The following KCNQ1 variants were observed in gnomAD, a reference collection of about 807,000 sequenced individuals.
KCNQ1 encodes potassium voltage-gated channel subfamily KQT member 1.
Under a neutral mutation model 72.4 loss-of-function variants are expected in KCNQ1, and 49 were observed. That is an observed-to-expected ratio of 0.68 (90% CI 0.54 to 0.86). The LOEUF is 0.86. Ranked by LOEUF, KCNQ1 falls within the 40% of genes least tolerant of loss-of-function variation. The pLI is 0.00. For synonymous variants in KCNQ1, 450 were observed against 412.6 expected, an observed-to-expected ratio of 1.09 and a Z score of -1.10; for missense variants, 790 against 945.1, an observed-to-expected ratio of 0.84 and a Z score of 2.15.
rs1847425667 is a variant in KCNQ1 at position 2,808,691 on chromosome 11, A to T, written c.1794+30654A>T. Among the ~76,000 whole-genome samples the T allele has an allele frequency of 6.6e-6, 1 of 152,188 alleles. No homozygotes were observed. Among genetic ancestry groups the T allele is most frequent in the African/African-American group, 2.4e-5 (1 of 41,436 alleles). Reference sequence around the variant, plus strand: ...GAAATGAAAGGTAAATACCTTCATGACCATGCCCCCTTTCCCTAGGATACC... The same window carrying T: ...GAAATGAAAGGTAAATACCTTCATGTCCATGCCCCCTTTCCCTAGGATACC... On this transcript the variant is annotated intron_variant, in intron 15 of 15. Coordinates refer to ENST00000155840, the MANE Select transcript of KCNQ1 (RefSeq NM_000218.3). The surrounding 1 kb of genome is among the most constrained non-coding windows in gnomAD (Gnocchi z 6.0).
At chr11:2,648,136 C>T in intron 10 of KCNQ1, 1 of 363,026 alleles carries the variant, frequency 2.8e-6, no homozygotes. Flanking sequence ...GCCCAGGAAG[C>T]AGAGGTTACA....
rs929742149 is a variant in KCNQ1, at chr11:2,798,963, G to A, written c.1794+20926G>A. On this transcript the variant is annotated intron_variant, in intron 15 of 15. Coordinates refer to ENST00000155840, the MANE Select transcript of KCNQ1 (RefSeq NM_000218.3). Reference sequence around the variant, plus strand: ...AGGAAGGAGAGCAGAGGGTACCCGCGTGAAGGGTACCCACGAGGAAGGGGA... The same window carrying A: ...AGGAAGGAGAGCAGAGGGTACCCGCATGAAGGGTACCCACGAGGAAGGGGA... Among the ~76,000 whole-genome samples, 26 of 152,284 alleles carry A rather than the reference G, an allele frequency of 1.7e-4. No homozygotes were observed. In the East Asian group the frequency reaches 1.9e-3, roughly 11 times the overall value.
rs1847273592 is a variant in KCNQ1, at chr11:2,515,473, G to A, written c.387-12455G>A. On this transcript the variant is annotated intron_variant, in intron 1 of 15. Transcript: ENST00000155840. This position sits in a 1 kb window ranked among gnomAD's most constrained non-coding sequence, Gnocchi z 4.7. ...CCGTCCCCGAGGCCCCTGCTGCCCA[G>A]CAAGACCACCACCCTCTGCTCCAGG... 1.4e-5 allele frequency among the ~76,000 whole-genome samples: 2 copies of A among 144,768 alleles called. No individual in the cohort carries two copies. Among genetic ancestry groups the A allele is most frequent in the South Asian group, 5.1e-4 (2 of 3,930 alleles). 95.0% of individuals were successfully genotyped at this position (144,768 alleles called of 152,430 possible).
chr11:2,775,056 C>T (rs1381494186), intron 12 of KCNQ1, among the ~76,000 whole-genome samples: 1 of 152,212 alleles, frequency 6.6e-6, no homozygotes, highest in African/African-American at 2.4e-5. Context: ...CTACCCTGGG[C>T]CTCACCCGGT....
chr11:2,786,329 G>T (rs1358846567), intron 15 of KCNQ1, among the ~76,000 whole-genome samples: 1 of 152,166 alleles, frequency 6.6e-6, no homozygotes, highest in Admixed American at 6.5e-5. Context: ...CTCCTTGGAA[G>T]ACAATCTGTC....
intron 8 of KCNQ1, among the ~76,000 whole-genome samples, chr11:2,587,264 C>A (rs1255708891): frequency 6.6e-6 from 1 of 152,232 alleles, no homozygotes; most frequent in East Asian, 1.9e-4. Flanking sequence ...CCCACCTTTG[C>A]AAGTCTCTCC....
At chr11:2,622,723 T>C (rs1849195431) in intron 10 of KCNQ1, 2 of 398,586 alleles carry the variant, frequency 5.0e-6, no homozygotes, top group East Asian at 3.6e-5. Flanking sequence ...TTAAAGACTT[T>C]ATATTTTTAG....
chr11:2,797,523 C>T (rs1446893319), intron 15 of KCNQ1, among the ~76,000 whole-genome samples: 2 of 152,202 alleles, frequency 1.3e-5, no homozygotes, highest in Non-Finnish European at 2.9e-5. Flanking sequence ...ACCAGCCCTG[C>T]ACCTCCTGGC....
rs968940637 is a variant in KCNQ1, at chr11:2,826,959, C to T, written c.1795-20808C>T. Among the ~76,000 whole-genome samples, 9 of 152,206 alleles carry T rather than the reference C, an allele frequency of 5.9e-5. No individual in the cohort carries two copies. The highest frequency in any genetic ancestry group is 1.9e-4 in the African/African-American group (8 of 41,452). On this transcript the variant is annotated intron_variant, in intron 15 of 15. Transcript: ENST00000155840. The surrounding 1 kb of genome is among the most constrained non-coding windows in gnomAD (Gnocchi z 4.2). The stretch of plus-strand genomic sequence containing the variant: ...GTGGAGTAGGTGGGGAAGGGGACAT[C>T]TCCAAGGAGGTGACATCGGAGCAGT...
chr11:2,517,664 C>G (rs371239501), intron 1 of KCNQ1, among the ~76,000 whole-genome samples: 20 of 152,320 alleles, frequency 1.3e-4, no homozygotes, highest in East Asian at 1.2e-3. Context: ...TCTTCTGGGG[C>G]AGCCCCTAAG....
rs1014181049 is a variant in KCNQ1 at position 2,803,425 on chromosome 11, C to A, written c.1794+25388C>A. On this transcript the variant is annotated intron_variant, in intron 15 of 15. Transcript: ENST00000155840. This position sits in a 1 kb window ranked among gnomAD's most constrained non-coding sequence, Gnocchi z 6.4. ...ATGATATTCCCTCCAGACCACGGTGCCTTCTGGGCTCTGGAGAATGCACCT... is the reference window on the plus strand; with the variant it reads ...ATGATATTCCCTCCAGACCACGGTGACTTCTGGGCTCTGGAGAATGCACCT... Among the ~76,000 whole-genome samples the A allele has an allele frequency of 2.6e-5, 4 of 152,186 alleles. No homozygotes were observed. Among genetic ancestry groups the A allele is most frequent in the Non-Finnish European group, 4.4e-5 (3 of 68,026 alleles).
chr11:2,739,823 G>T (rs1219051103), intron 11 of KCNQ1, among the ~76,000 whole-genome samples: 1 of 152,254 alleles, frequency 6.6e-6, no homozygotes, highest in Non-Finnish European at 1.5e-5. Flanking sequence ...GGAGGGGCAG[G>T]TTGTTGGAAG....
chr11:2,483,584 G>A lies in KCNQ1; in HGVS notation c.386+38100G>A, dbSNP rs570340294. 1.8e-4 allele frequency among the ~76,000 whole-genome samples: 28 copies of A among 152,202 alleles called. 1 individual carries two copies. In the South Asian group the frequency reaches 4.8e-3, roughly 26 times the overall value. On this transcript the variant is annotated intron_variant, in intron 1 of 15. Transcript: ENST00000155840. The surrounding 1 kb of genome is among the most constrained non-coding windows in gnomAD (Gnocchi z 6.1). Reference sequence around the variant, plus strand: ...GCTCCTCAGTCTCTCTTTGTCTTTCGTGACCTTGATGTTTTAGATAAGTAC... The same window carrying A: ...GCTCCTCAGTCTCTCTTTGTCTTTCATGACCTTGATGTTTTAGATAAGTAC...
intron 1 of KCNQ1, among the ~76,000 whole-genome samples, chr11:2,474,529 C>T (rs1269981138): frequency 1.3e-5 from 2 of 152,336 alleles, no homozygotes; most frequent in East Asian, 3.9e-4. Flanking sequence ...GCTGCAGGCT[C>T]AGCACAGGTG....
At chr11:2,574,951 G>A (rs1848399409) in intron 6 of KCNQ1, among the ~76,000 whole-genome samples, 1 of 152,184 alleles carries the variant, frequency 6.6e-6, no homozygotes, top group Admixed American at 6.5e-5. Flanking sequence ...AGTGAGTGTG[G>A]ATGGGTAGGG....
intron 10 of KCNQ1, among the ~76,000 whole-genome samples, chr11:2,605,502 T>C (rs1848865972): frequency 6.6e-6 from 1 of 152,234 alleles, no homozygotes; most frequent in African/African-American, 2.4e-5. Context: ...ATTTTTCTCA[T>C]GTGGATATCA....
chr11:2,698,387 TG>T lies in KCNQ1; in HGVS notation c.1514+36310del, dbSNP rs1390936598. On this transcript the variant is annotated intron_variant, in intron 11 of 15. Coordinates refer to ENST00000155840, the MANE Select transcript of KCNQ1 (RefSeq NM_000218.3). The surrounding 1 kb of genome is among the most constrained non-coding windows in gnomAD (Gnocchi z 5.1). ...TATTTGACCTGCTCAGGGACCACAG[TG>T]GGGTACTGGGATCTGAACATAGTGG... 2.5e-6 allele frequency: 1 copy of T among 398,422 alleles called. No individual in the cohort carries two copies. Among genetic ancestry groups the T allele is most frequent in the African/African-American group, 2.1e-5 (1 of 48,568 alleles). 24.7% of individuals were successfully genotyped at this position (398,422 alleles called of 1,614,324 possible).
intron 15 of KCNQ1, among the ~76,000 whole-genome samples, chr11:2,797,088 G>T (rs569446305): frequency 6.6e-6 from 1 of 152,322 alleles, no homozygotes; most frequent in South Asian, 2.1e-4. Context: ...GCCTCACCTG[G>T]GCTGTCTCCA....
chr11:2,722,853 A>G (rs1845692258), intron 11 of KCNQ1, among the ~76,000 whole-genome samples: 1 of 152,148 alleles, frequency 6.6e-6, no homozygotes, highest in Non-Finnish European at 1.5e-5. Flanking sequence ...GTGAGGCAGT[A>G]TCTGAGCCAC....
Sources: allele counts gnomAD v4.1 joint callset (sites outside exome capture counted in the v4.1 genomes callset), GRCh38; gene constraint gnomAD v4.1.1; non-coding constraint Gnocchi (gnomAD v3.1); transcripts MANE v1.5; gene names NCBI Gene and HGNC (gene_info 2026-07-23, HGNC 2026-07-21).